Variants in DMD observed in about 807,000 individuals in gnomAD.
The protein encoded by DMD is mutant dystrophin.
In DMD, 63 loss-of-function variants were observed where a neutral mutation model predicts 330.1. The observed-to-expected ratio is 0.19, with a 90% CI of 0.16 to 0.24. The LOEUF is 0.24. Ranked by LOEUF, DMD falls within the 10% of genes least tolerant of loss-of-function variation. The pLI is 1.00. For missense variants in DMD, 3,344 were observed against 2,684.1 expected, an observed-to-expected ratio of 1.25 and a Z score of -5.43; for synonymous variants, 1,223 against 959.8, an observed-to-expected ratio of 1.27 and a Z score of -5.07.
intron 72 of DMD, 34 bp from the exon 73 acceptor site, chrX:31,172,447 T>C (rs1411702092): frequency 1.9e-6 from 2 of 1,036,210 alleles, no homozygotes; most frequent in East Asian, 3.0e-5. Context: ...TTAAAACTTA[T>C]GTGACGTCTT....
chrX:33,149,127 ATTG>A (rs1315155760), intron 1 of DMD, among the ~76,000 whole-genome samples: 1 of 110,592 alleles, frequency 9.0e-6, no homozygotes, highest in Non-Finnish European at 1.9e-5. Flanking sequence ...TTATTATTAC[ATTG>A]TATTATATAA....
chrX:31,861,638 CTGTGTGTG>C (rs1556949987), intron 48 of DMD, among the ~76,000 whole-genome samples: 1,295 of 83,098 alleles, frequency 0.016, 28 homozygotes, highest in African/African-American at 0.053. Flanking sequence ...AAATAATCAC[CTGTGTGTG>C]TGTGTGTGTG....
chrX:32,388,750 C>A (rs1314127982), intron 32 of DMD, among the ~76,000 whole-genome samples: 3 of 110,245 alleles, frequency 2.7e-5, no homozygotes, highest in Non-Finnish European at 5.7e-5. Context: ...ATGTGACTTC[C>A]CACTCTAATG....
At chrX:32,493,300 T>C (rs936260586) in intron 19 of DMD, among the ~76,000 whole-genome samples, 1 of 112,156 alleles carries the variant, frequency 8.9e-6, no homozygotes, top group African/African-American at 3.2e-5. Flanking sequence ...CAAAGCATAA[T>C]GCTACTCAGG....
At chrX:32,720,271 C>A (rs995634863) in intron 7 of DMD, among the ~76,000 whole-genome samples, 1 of 111,068 alleles carries the variant, frequency 9.0e-6, no homozygotes, top group East Asian at 2.9e-4. Flanking sequence ...TGCATTTTAA[C>A]GGTCTAATAC....
intron 17 of DMD, among the ~76,000 whole-genome samples, chrX:32,518,394 T>C (rs1160304752): frequency 1.8e-5 from 2 of 109,933 alleles, no homozygotes. Context: ...CTGTAAGCTA[T>C]TACCCAGCCT....
At chrX:32,568,061 G>A (rs1486775331) in intron 15 of DMD, among the ~76,000 whole-genome samples, 1 of 112,221 alleles carries the variant, frequency 8.9e-6, no homozygotes, top group Admixed American at 9.4e-5. Context: ...TGTCAGAAGA[G>A]GAGTGTGAGA....
intron 44 of DMD, among the ~76,000 whole-genome samples, chrX:32,024,064 G>A (rs921526333): frequency 1.7e-4 from 19 of 111,507 alleles, no homozygotes; most frequent in African/African-American, 1.6e-4. Flanking sequence ...ACATGTACCC[G>A]CTGAATCTAA....
chrX:32,084,879 T>C (rs1350028282), intron 44 of DMD, among the ~76,000 whole-genome samples: 1 of 111,076 alleles, frequency 9.0e-6, no homozygotes, highest in African/African-American at 3.3e-5. Flanking sequence ...AGTTGTAAAT[T>C]GCTTCCAGAG....
intron 56 of DMD, among the ~76,000 whole-genome samples, chrX:31,504,517 A>G (rs2070738731): frequency 8.9e-6 from 1 of 112,017 alleles, no homozygotes; most frequent in Non-Finnish European, 1.9e-5. Flanking sequence ...TTTCCAGTAT[A>G]TCATTGAAAC....
intron 12 of DMD, among the ~76,000 whole-genome samples, chrX:32,606,896 A>T (rs997036265): frequency 5.5e-5 from 6 of 109,522 alleles, no homozygotes; most frequent in Non-Finnish European, 9.6e-5. Context: ...ACAGAAACCT[A>T]AATGCAACAT....
chrX:32,825,769 A>C (rs376022418), intron 4 of DMD, among the ~76,000 whole-genome samples: 1 of 111,828 alleles, frequency 8.9e-6, no homozygotes, highest in Non-Finnish European at 1.9e-5. Context: ...GCAAGACATA[A>C]AATGACAAAT....
chrX:32,235,169 C>A (rs2097183060), intron 43 of DMD, among the ~76,000 whole-genome samples: 1 of 111,027 alleles, frequency 9.0e-6, no homozygotes, highest in Non-Finnish European at 1.9e-5. Flanking sequence ...TCAGTGGGAG[C>A]CTTGAGCTTC....
intron 74 of DMD, among the ~76,000 whole-genome samples, chrX:31,154,442 G>A (rs1287306888): frequency 1.9e-5 from 2 of 107,275 alleles, no homozygotes; most frequent in African/African-American, 6.8e-5. Flanking sequence ...ACAGGTGCCC[G>A]CCACCACGCC....
chrX:32,827,164 T>C, intron 4 of DMD, among the ~76,000 whole-genome samples: 1 of 104,806 alleles, frequency 9.5e-6, no homozygotes, highest in African/African-American at 3.6e-5. Context: ...GGAAAAACAA[T>C]TAGGTAGGCA....
intron 25 of DMD, among the ~76,000 whole-genome samples, chrX:32,457,963 T>A (rs1036257579): frequency 9.0e-6 from 1 of 111,238 alleles, no homozygotes; most frequent in African/African-American, 3.3e-5. Context: ...TATATGTAGG[T>A]TTCTATTTGT....
At position 31,586,201 on chromosome X, in the gene DMD, A is replaced by G. The variant is rs150055046; in HGVS notation, c.8217+41472T>C. On this transcript the variant is annotated intron_variant, in intron 55 of 78. Transcript: ENST00000357033. ...ACAACTATGTCGGGGGAAAAATAAAAAGAAAGTTTTCTATTAATTAAAAAC... is the reference window on the plus strand; with the variant it reads ...ACAACTATGTCGGGGGAAAAATAAAGAGAAAGTTTTCTATTAATTAAAAAC... 2.6e-3 allele frequency among the ~76,000 whole-genome samples: 298 copies of G among 112,474 alleles called. 3 individuals carry two copies. The highest frequency in any genetic ancestry group is 9.0e-3 in the African/African-American group (279 of 31,038).
chrX:32,055,410 A>AAAT (rs1447535312), intron 44 of DMD, among the ~76,000 whole-genome samples: 1 of 112,248 alleles, frequency 8.9e-6, no homozygotes, highest in Non-Finnish European at 1.9e-5. Flanking sequence ...GCATATTTAA[A>AAAT]AATAAATTAT....
intron 43 of DMD, among the ~76,000 whole-genome samples, chrX:32,261,289 C>G (rs964320866): frequency 9.0e-6 from 1 of 111,589 alleles, no homozygotes; most frequent in Non-Finnish European, 1.9e-5. Flanking sequence ...TTAACTCTTT[C>G]AAAAGAAACA....
Sources: gnomAD v4.1 joint callset for allele counts (sites outside exome capture counted in the v4.1 genomes callset) on GRCh38, gnomAD v4.1.1 for gene constraint, MANE v1.5 for transcripts, NCBI Gene and HGNC (gene_info 2026-07-23, HGNC 2026-07-21) for gene names.